Variants in ADGB observed in about 807,000 individuals in gnomAD.
The protein encoded by ADGB is androglobin.
Under a neutral mutation model 210.5 loss-of-function variants are expected in ADGB, and 172 were observed. The observed-to-expected ratio is 0.82, with a 90% CI of 0.72 to 0.93. The LOEUF is 0.93. Ranked by LOEUF, ADGB falls within the 40% of genes least tolerant of loss-of-function variation. The probability of loss-of-function intolerance (pLI) is 0.00; values close to 1 mark genes in which losing one functional copy is unlikely to be tolerated. For missense variants in ADGB, 2,025 were observed against 1,964.8 expected, an observed-to-expected ratio of 1.03 and a Z score of -0.58; for synonymous variants, 658 against 662.7, an observed-to-expected ratio of 0.99 and a Z score of 0.11.
chr6:146,692,796 C>G (rs183514579), intron 11 of ADGB, 29 bp from the exon 12 acceptor site: 1 of 1,237,534 alleles, frequency 8.1e-7, no homozygotes, highest in East Asian at 2.5e-5. Flanking sequence ...TTTAAATGTA[C>G]ATCATACTTT....
At chr6:146,744,215 A>G (rs1350438904) in intron 25 of ADGB, among the ~76,000 whole-genome samples, 1 of 152,186 alleles carries the variant, frequency 6.6e-6, no homozygotes, top group Non-Finnish European at 1.5e-5. Flanking sequence ...GGTGGACTCA[A>G]GAGACACCTC....
At chr6:146,646,534 G>A (rs1266222675) in intron 3 of ADGB, among the ~76,000 whole-genome samples, 1 of 152,058 alleles carries the variant, frequency 6.6e-6, no homozygotes, top group Non-Finnish European at 1.5e-5. Context: ...GCATCTGTGT[G>A]CCCAGGAGTC....
At chr6:146,726,248 G>A in intron 19 of ADGB, 51 bp downstream of exon 19, 1 of 1,290,372 alleles carries the variant, frequency 7.7e-7, no homozygotes, top group Non-Finnish European at 1.1e-6. Flanking sequence ...TAGAGATGGA[G>A]TCTCGCACTG....
At chr6:146,764,805 T>G (rs1292623657) in intron 28 of ADGB, among the ~76,000 whole-genome samples, 3 of 152,090 alleles carry the variant, frequency 2.0e-5, no homozygotes. Flanking sequence ...TTTTGTTTGT[T>G]TGTTTGTTTT....
At chr6:146,620,647 T>C (rs1031652095) in intron 1 of ADGB, among the ~76,000 whole-genome samples, 1 of 152,068 alleles carries the variant, frequency 6.6e-6, no homozygotes, top group Admixed American at 6.6e-5. Flanking sequence ...TTTTGAAAAA[T>C]TGTTTCTATT....
intron 1 of ADGB, among the ~76,000 whole-genome samples, chr6:146,619,200 T>C (rs1780848908): frequency 6.6e-6 from 1 of 151,520 alleles, no homozygotes; most frequent in Non-Finnish European, 1.5e-5. Flanking sequence ...TTCTGCTCTT[T>C]TTTGGTTTTT....
chr6:146,711,524 G>A (rs1387705680), intron 13 of ADGB, among the ~76,000 whole-genome samples: 1 of 151,968 alleles, frequency 6.6e-6, no homozygotes, highest in Non-Finnish European at 1.5e-5. Context: ...TAATTTTAGT[G>A]TAGCACATCT....
chr6:146,624,715 C>A (rs563311421), intron 1 of ADGB, among the ~76,000 whole-genome samples: 2 of 151,768 alleles, frequency 1.3e-5, no homozygotes, highest in African/African-American at 2.4e-5. Flanking sequence ...CTAGGTATTT[C>A]GTCCTATAAA....
Position 146,691,411 on chromosome 6 carries a change from AATATATAT to A in ADGB, c.1486+145_1486+152del, listed in dbSNP as rs71031004. ...AACATTGCTTCTAAAGCCTATGTTT[AATATATAT>A]ATATATATATATATATATATATAAA... On this transcript the variant is annotated intron_variant, in intron 11 of 35. Transcript: ENST00000397944. The A allele has an allele frequency of 5.9e-3, 583 of 98,198 alleles. 26 individuals are homozygous for A. The highest frequency in any genetic ancestry group is 0.026 in the East Asian group (138 of 5,282). The allele number at this position is 98,198 out of a possible 1,614,324, so 6.1% of individuals were successfully genotyped here. A position where few individuals can be genotyped will look rare whatever the true frequency, so the allele number is the denominator to read the frequency against.
chr6:146,659,362 T>C (rs1446829692), intron 5 of ADGB, among the ~76,000 whole-genome samples: 1 of 152,202 alleles, frequency 6.6e-6, no homozygotes, highest in Non-Finnish European at 1.5e-5. Context: ...TTTCCCATCT[T>C]ATGAGACATG....
At chr6:146,668,678 A>G (rs1176361234) in intron 7 of ADGB, among the ~76,000 whole-genome samples, 1 of 152,112 alleles carries the variant, frequency 6.6e-6, no homozygotes, top group African/African-American at 2.4e-5. Flanking sequence ...TTCTCTGTGC[A>G]ATAGTCAGTA....
At chr6:146,629,151 AT>A (rs937132886) in intron 1 of ADGB, among the ~76,000 whole-genome samples, 1 of 152,180 alleles carries the variant, frequency 6.6e-6, no homozygotes, top group African/African-American at 2.4e-5. Context: ...ATATTGAAAA[AT>A]CATCTTATTC....
intron 16 of ADGB, 105 bp downstream of exon 16, chr6:146,717,704 G>A: frequency 1.8e-6 from 1 of 554,656 alleles, no homozygotes; most frequent in Non-Finnish European, 3.0e-6. Context: ...TTGTAACATA[G>A]TTATATTTTT....
chr6:146,735,433 A>G (rs147022364), intron 22 of ADGB, among the ~76,000 whole-genome samples: 2 of 152,342 alleles, frequency 1.3e-5, no homozygotes, highest in African/African-American at 2.4e-5. Flanking sequence ...AGAGAGAGCC[A>G]GAACTCATCT....
At chr6:146,601,550 G>C (rs1210343598) in intron 1 of ADGB, among the ~76,000 whole-genome samples, 1 of 152,224 alleles carries the variant, frequency 6.6e-6, no homozygotes. Context: ...TCAAAGTCTA[G>C]CAAGGCTCTA....
chr6:146,606,755 C>G (rs1222107412), intron 1 of ADGB, among the ~76,000 whole-genome samples: 4 of 152,036 alleles, frequency 2.6e-5, no homozygotes, highest in Non-Finnish European at 5.9e-5. Context: ...GTTCCATTGG[C>G]CTGTGTGTCT....
At chr6:146,789,094 C>T (rs1368853946) in intron 33 of ADGB, among the ~76,000 whole-genome samples, 1 of 152,188 alleles carries the variant, frequency 6.6e-6, no homozygotes, top group Admixed American at 6.5e-5. Flanking sequence ...TATCTGTTCA[C>T]TAAACTGAAC....
At chr6:146,765,846 A>T (rs1777565169) in intron 28 of ADGB, among the ~76,000 whole-genome samples, 1 of 151,890 alleles carries the variant, frequency 6.6e-6, no homozygotes, top group Non-Finnish European at 1.5e-5. Context: ...ACAGAAAAGT[A>T]ACTCAAAGAT....
chr6:146,622,313 G>A (rs930206055), intron 1 of ADGB, among the ~76,000 whole-genome samples: 2 of 152,076 alleles, frequency 1.3e-5, no homozygotes, highest in East Asian at 3.9e-4. Context: ...TTACAAAGCT[G>A]TATATCAGTG....
Sources: allele counts gnomAD v4.1 joint callset (sites outside exome capture counted in the v4.1 genomes callset), GRCh38; gene constraint gnomAD v4.1.1; transcripts MANE v1.5; gene names NCBI Gene and HGNC (gene_info 2026-07-23, HGNC 2026-07-21).